ARB2A: variants seen among roughly 807,000 people sequenced by gnomAD.
ARB2A encodes the protein cotranscriptional regulator ARB2A.
At chr5:94,069,019 TAGTGAAACTCTGTCTTAAAA>T in the ARB2A span, among the ~76,000 whole-genome samples, 1 of 148,640 alleles carries the variant, frequency 6.7e-6, no homozygotes, top group Non-Finnish European at 1.5e-5. Context: ...TCGGCAACAA[TAGTGAAACTCTGTCTTAAAA>T]AGATAGATAG....
At chr5:93,692,958 T>C in the ARB2A span, among the ~76,000 whole-genome samples, 1 of 152,064 alleles carries the variant, frequency 6.6e-6, no homozygotes, top group East Asian at 1.9e-4. Flanking sequence ...GACTATTGGG[T>C]AAATAACAAA....
chr5:93,908,331 C>A, the ARB2A span, among the ~76,000 whole-genome samples: 3 of 150,646 alleles, frequency 2.0e-5, no homozygotes, highest in Non-Finnish European at 4.5e-5. Flanking sequence ...ATGACACACA[C>A]AAAATATATT....
the ARB2A span, among the ~76,000 whole-genome samples, chr5:93,761,523 T>C: frequency 6.6e-6 from 1 of 152,134 alleles, no homozygotes; most frequent in Non-Finnish European, 1.5e-5. Context: ...GCGCCCACCA[T>C]TGCCCAGGCT....
At chr5:93,678,157 G>GT in the ARB2A span, among the ~76,000 whole-genome samples, 1 of 152,150 alleles carries the variant, frequency 6.6e-6, no homozygotes, top group East Asian at 1.9e-4. Flanking sequence ...AGACAATACT[G>GT]TTTGTTATAC....
At chr5:93,894,299 C>T in the ARB2A span, among the ~76,000 whole-genome samples, 1 of 151,970 alleles carries the variant, frequency 6.6e-6, no homozygotes, top group Non-Finnish European at 1.5e-5. Context: ...AGTGTATTTA[C>T]ATAAAGAACT....
chr5:93,961,987 T>C, the ARB2A span, among the ~76,000 whole-genome samples: 3 of 152,186 alleles, frequency 2.0e-5, no homozygotes, highest in African/African-American at 4.8e-5. Context: ...GTACTTTCTA[T>C]AAAGATAGTG....
the ARB2A span, among the ~76,000 whole-genome samples, chr5:94,023,681 T>A: frequency 6.6e-6 from 1 of 152,198 alleles, no homozygotes; most frequent in Non-Finnish European, 1.5e-5. Flanking sequence ...CAGTATTATT[T>A]TTTTATTTTT....
chr5:93,941,879 C>G, the ARB2A span, among the ~76,000 whole-genome samples: 1 of 152,116 alleles, frequency 6.6e-6, no homozygotes, highest in Non-Finnish European at 1.5e-5. Context: ...GCTCTATACT[C>G]TCACAGATTA....
the ARB2A span, among the ~76,000 whole-genome samples, chr5:93,987,370 G>A: frequency 6.6e-6 from 1 of 151,778 alleles, no homozygotes; most frequent in Non-Finnish European, 1.5e-5. Context: ...AACCTAAAAG[G>A]GCTACTCCAA....
chr5:93,667,517 G>A, the ARB2A span, among the ~76,000 whole-genome samples: 4 of 152,262 alleles, frequency 2.6e-5, no homozygotes, highest in African/African-American at 9.6e-5. Context: ...GAGCAGAAGT[G>A]TGATCATCGT....
chr5:93,896,294 C>T, the ARB2A span, among the ~76,000 whole-genome samples: 17 of 152,190 alleles, frequency 1.1e-4, no homozygotes, highest in Non-Finnish European at 2.4e-4. Flanking sequence ...AAATCCTAAA[C>T]TTTTTGAGTA....
chr5:93,842,127 G>C, the ARB2A span, among the ~76,000 whole-genome samples: 1 of 152,174 alleles, frequency 6.6e-6, no homozygotes, highest in Non-Finnish European at 1.5e-5. Flanking sequence ...TTAGAATGGA[G>C]GTCAGTGGTC....
At chr5:93,700,610 A>G in the ARB2A span, among the ~76,000 whole-genome samples, 1 of 152,134 alleles carries the variant, frequency 6.6e-6, no homozygotes, top group East Asian at 1.9e-4. Flanking sequence ...TCAATTTTCT[A>G]TTTATAAAGA....
At chr5:94,081,425 A>T in the ARB2A span, among the ~76,000 whole-genome samples, 1 of 152,246 alleles carries the variant, frequency 6.6e-6, no homozygotes, top group Non-Finnish European at 1.5e-5. Flanking sequence ...AATTGCCAAC[A>T]AGTTGAAACA....
the ARB2A span, among the ~76,000 whole-genome samples, chr5:94,065,452 T>C: frequency 1.5e-4 from 23 of 152,158 alleles, no homozygotes; most frequent in African/African-American, 4.6e-4. Flanking sequence ...AGGTAGATGT[T>C]GCAGTGAGCT....
chr5:94,016,594 C>T, the ARB2A span, among the ~76,000 whole-genome samples: 9 of 152,190 alleles, frequency 5.9e-5, no homozygotes, highest in African/African-American at 2.2e-4. Flanking sequence ...ATGGTGTAAG[C>T]CAGCCATGCT....
chr5:93,838,961 G>A, the ARB2A span, among the ~76,000 whole-genome samples: 2 of 151,482 alleles, frequency 1.3e-5, no homozygotes, highest in South Asian at 2.1e-4. Context: ...ACTATGGGGT[G>A]GTATAGAATC....
chr5:93,939,304 G>A, the ARB2A span, among the ~76,000 whole-genome samples: 1 of 151,944 alleles, frequency 6.6e-6, no homozygotes, highest in Non-Finnish European at 1.5e-5. Context: ...TAATAAGTAA[G>A]AAATAAATTG....
At chr5:93,676,563 A>C in the ARB2A span, among the ~76,000 whole-genome samples, 1 of 152,224 alleles carries the variant, frequency 6.6e-6, no homozygotes, top group Non-Finnish European at 1.5e-5. Flanking sequence ...ATTCTGAACA[A>C]TGAAACATGA....
Sources: allele counts gnomAD v4.1 joint callset (sites outside exome capture counted in the v4.1 genomes callset), GRCh38; gene constraint gnomAD v4.1.1; transcripts MANE v1.5; gene names NCBI Gene and HGNC (gene_info 2026-07-23, HGNC 2026-07-21).